The following MCM8 variants were observed in gnomAD, a reference collection of about 807,000 sequenced individuals.
MCM8 encodes the protein minichromosome maintenance 8 homologous recombination repair factor, also known as DNA helicase MCM8.
A neutral mutation model predicts 98.9 loss-of-function variants in MCM8; 85 were observed. That is an observed-to-expected ratio of 0.86 (90% CI 0.72 to 1.03). MCM8 has a LOEUF of 1.03. MCM8 is among the 50% of genes least tolerant of loss of function. The pLI is 0.00. For missense variants in MCM8, 951 were observed against 997.8 expected (o/e 0.95, Z 0.63); for synonymous variants, 352 against 338.6 (o/e 1.04, Z -0.44).
At chr20:5,960,931 G>A (rs2089127113) in intron 7 of MCM8, among the ~76,000 whole-genome samples, 1 of 151,936 alleles carries the variant, frequency 6.6e-6, no homozygotes, top group South Asian at 2.1e-4. Flanking sequence ...GCGAAACTCC[G>A]CCTCAAAAAA....
intron 16 of MCM8, 124 bp downstream of exon 16, chr20:5,986,255 A>G: frequency 1.2e-6 from 1 of 805,772 alleles, no homozygotes; most frequent in Non-Finnish European, 2.0e-6. Flanking sequence ...GATGTTAGAA[A>G]TGGATGGATG....
At chr20:5,952,207 G>A (rs778945791) in intron 2 of MCM8, 44 bp downstream of exon 2, 1 of 1,606,854 alleles carries the variant, frequency 6.2e-7, no homozygotes, top group Non-Finnish European at 8.5e-7. Context: ...ACTTAAGGAA[G>A]CAATTCACGT....
chr20:5,978,061 A>C, intron 13 of MCM8, 44 bp downstream of exon 13: 1 of 1,607,112 alleles, frequency 6.2e-7, no homozygotes, highest in East Asian at 2.2e-5. Flanking sequence ...GGACTTTTTG[A>C]AAAGCCTTTT....
chr20:5,972,926 T>G (rs1176213776), intron 11 of MCM8, 130 bp from the exon 12 acceptor site: 1 of 1,358,156 alleles, frequency 7.4e-7, no homozygotes, highest in Admixed American at 2.9e-5. Context: ...TTCCTTTTCT[T>G]AGAAAAAAAT....
chr20:5,954,970 A>G, intron 4 of MCM8, 132 bp from the exon 5 acceptor site: 1 of 670,040 alleles, frequency 1.5e-6, no homozygotes, highest in Non-Finnish European at 2.5e-6. Context: ...CACAAAGCTT[A>G]TACTTATGTC....
At chr20:5,984,721 G>T (rs796415441) in intron 14 of MCM8, 60 bp from the exon 15 acceptor site, 1 of 1,393,630 alleles carries the variant, frequency 7.2e-7, no homozygotes, top group African/African-American at 1.4e-5. Flanking sequence ...TGAGTAGACA[G>T]TTTTCTAGTT....
intron 13 of MCM8, among the ~76,000 whole-genome samples, chr20:5,982,141 T>C (rs928642011): frequency 6.6e-6 from 1 of 152,170 alleles, no homozygotes; most frequent in Non-Finnish European, 1.5e-5. Context: ...GAATGTCATG[T>C]CTATTGCACA....
At position 5,983,079 on chromosome 20, in the gene MCM8, C is replaced by T. The variant is rs1254846594; in HGVS notation, c.1647C>T (p.Ser549=). ...TTGCTAAGGCTGGTGTGGTTTGTAG[C>T]CTTCCTGCAAGAACTTCCATTATTG... ...ISLAKAGVVC[S]LPARTSIIAA... Residue 549 remains serine (S), a synonymous_variant, in exon 14 of 19, where the codon AGC becomes AGT. Transcript: ENST00000610722. 1 of 1,614,104 alleles carries T rather than the reference C, an allele frequency of 6.2e-7. No homozygotes were observed. The highest frequency in any genetic ancestry group is 1.1e-5 in the South Asian group (1 of 91,072).
In MCM8 at chr20:5,986,117, A is replaced by G. The variant is rs61754763; in HGVS notation, c.2149A>G (p.Ile717Val). ...CACTACCAGGCAGCTGGAATCTTTG[A>G]TTCGTCTGACAGAGGTTTGTTTCTT... Reference protein sequence around the residue: ...PITTRQLESLIRLTEARARLE... With the variant: ...PITTRQLESLVRLTEARARLE... Residue 717 changes from isoleucine (I) to valine (V), a missense_variant, in exon 16 of 19, where the codon ATT becomes GTT. Physicochemically the swap from Ile to Val is conservative, Grantham distance 29. Transcript: ENST00000610722. 18,077 of 1,614,112 alleles carry G rather than the reference A, an allele frequency of 0.011. 127 individuals are homozygous for G. The highest frequency in any genetic ancestry group is 0.014 in the Non-Finnish European group (16,285 of 1,179,998).
At chr20:5,979,324 G>A (rs2089582844) in intron 13 of MCM8, among the ~76,000 whole-genome samples, 1 of 151,806 alleles carries the variant, frequency 6.6e-6, no homozygotes, top group Non-Finnish European at 1.5e-5. Flanking sequence ...TGTCTTCTGG[G>A]TCTGTATTTA....
chr20:5,979,004 C>G lies in MCM8; in HGVS notation c.1537+987C>G, dbSNP rs77473086. On this transcript the variant is annotated intron_variant, in intron 13 of 18. Transcript: ENST00000610722. ...ACATTGGGCTTTGTCACCTAAGTTT[C>G]TCTTTGTGATGCCTTCACCTTATTG... Among the ~76,000 whole-genome samples, 97 of 152,316 alleles carry G rather than the reference C, an allele frequency of 6.4e-4. No homozygotes were observed. The East Asian group carries it at 7.9e-3, about 12-fold the overall frequency.
At position 5,993,591 on chromosome 20, in the gene MCM8, G is replaced by A; in HGVS notation, c.2326G>A (p.Ala776Thr). Residue 776 changes from alanine (A) to threonine (T), a missense_variant, in exon 18 of 19, where the codon GCG (alanine) becomes ACG (threonine). By Grantham distance (58) the Ala-to-Thr change is moderately conservative. Coordinates refer to ENST00000610722, the MANE Select transcript of MCM8 (RefSeq NM_032485.6). ...TTCTGGAATGAGCAACAGGTCAACA[G>A]CGAAAAGATTTATTTCTGCTCTCAA... Reference protein sequence around the residue: ...HGSGMSNRSTAKRFISALNNV... With the variant: ...HGSGMSNRSTTKRFISALNNV... The A allele has an allele frequency of 1.2e-6, 2 of 1,612,532 alleles. No homozygotes were observed. Among genetic ancestry groups the A allele is most frequent in the East Asian group, 2.2e-5 (1 of 44,872 alleles).
At chr20:5,984,674 T>G in intron 14 of MCM8, 107 bp from the exon 15 acceptor site, 1 of 887,888 alleles carries the variant, frequency 1.1e-6, no homozygotes, top group Non-Finnish European at 1.7e-6. Context: ...AAATCTTGGT[T>G]TTTCAAGTTC....
At position 5,984,984 on chromosome 20, in the gene MCM8, T is replaced by C. The variant is rs890094843; in HGVS notation, c.1937T>C (p.Leu646Ser). Residue 646 changes from leucine (L) to serine (S), a missense_variant, in exon 15 of 19, where the codon TTA becomes TCA. Coordinates refer to ENST00000610722, the MANE Select transcript of MCM8 (RefSeq NM_032485.6). ...CTTGAAGTAGTTTCTGAGAAGCCATTATCAGAAAGACTAAAGGTATAAATG... is the reference window on the plus strand; with the variant it reads ...CTTGAAGTAGTTTCTGAGAAGCCATCATCAGAAAGACTAAAGGTATAAATG... Reference protein sequence around the residue: ...SVLEVVSEKPLSERLKVVPGE... With the variant: ...SVLEVVSEKPSSERLKVVPGE... 6.2e-7 allele frequency: 1 copy of C among 1,613,380 alleles called. No homozygotes were observed. Among genetic ancestry groups the C allele is most frequent in the Non-Finnish European group, 8.5e-7 (1 of 1,179,514 alleles).
In MCM8 at chr20:5,997,240, A is replaced by C. The variant is rs1000383074; in HGVS notation, c.*2849A>C. 6.9e-6 allele frequency: 1 copy of C among 143,934 alleles called. No individual in the cohort carries two copies. Among genetic ancestry groups the C allele is most frequent in the African/African-American group, 2.7e-5 (1 of 37,662 alleles). 8.9% of individuals were successfully genotyped at this position (143,934 alleles called of 1,614,324 possible). A position where few individuals can be genotyped will look rare whatever the true frequency, so the allele number is the denominator to read the frequency against. ...GCTCTTTTTGCTCAGGCTGGAGTACAGTGGCGCGATCTTGGTTCACCGCAA... is the reference window on the plus strand; with the variant it reads ...GCTCTTTTTGCTCAGGCTGGAGTACCGTGGCGCGATCTTGGTTCACCGCAA... On this transcript the variant is annotated 3_prime_UTR_variant, in exon 19 of 19. Coordinates refer to ENST00000610722, the MANE Select transcript of MCM8 (RefSeq NM_032485.6).
In MCM8 at chr20:5,990,739, T is replaced by C. The variant is rs138148908; in HGVS notation, c.2241-2767T>C. Among the ~76,000 whole-genome samples, 396 of 152,220 alleles carry C rather than the reference T, an allele frequency of 2.6e-3. 2 individuals carry two copies. The highest frequency in any genetic ancestry group is 9.1e-3 in the African/African-American group (378 of 41,534). ...AAAGTAAGTCACAACCCAACCAAAA[T>C]TTCAGAATTTTTTTTAATTTTAACT... is the stretch of plus-strand genomic sequence containing the variant. On this transcript the variant is annotated intron_variant, in intron 17 of 18. Transcript: ENST00000610722.
intron 12 of MCM8, among the ~76,000 whole-genome samples, chr20:5,975,927 G>C (rs1242618006): frequency 6.6e-6 from 1 of 151,942 alleles, no homozygotes; most frequent in Non-Finnish European, 1.5e-5. Context: ...AATGCCTTTG[G>C]CTCAATTTAA....
rs2088940114 is a variant in MCM8 at position 5,955,091 on chromosome 20, A to G, written c.337-11A>G. 3 of 1,558,724 alleles carry G rather than the reference A, an allele frequency of 1.9e-6. No individual in the cohort carries two copies. Among genetic ancestry groups the G allele is most frequent in the South Asian group, 1.1e-5 (1 of 87,118 alleles). ...AAGCAATTATTGTTTTCATACTTTTATATTTTATAGGATGAAATAGAAAGA... is the reference window on the plus strand; with the variant it reads ...AAGCAATTATTGTTTTCATACTTTTGTATTTTATAGGATGAAATAGAAAGA... On this transcript the variant is annotated splice_polypyrimidine_tract_variant and intron_variant, in intron 4 of 18. Transcript: ENST00000610722.
chr20:5,952,188 A>G (rs370907003), intron 2 of MCM8, 25 bp downstream of exon 2: 72 of 1,608,098 alleles, frequency 4.5e-5, no homozygotes, highest in Non-Finnish European at 5.8e-5. Context: ...TGATTGTTCA[A>G]TTTTTTTCAC....
Sources: allele counts gnomAD v4.1 joint callset (sites outside exome capture counted in the v4.1 genomes callset), GRCh38; gene constraint gnomAD v4.1.1; transcripts MANE v1.5; gene names NCBI Gene and HGNC (gene_info 2026-07-23, HGNC 2026-07-21).